VAPA: variants seen among roughly 807,000 people sequenced by gnomAD.
VAPA encodes the protein VAMP associated protein A.
Under a neutral mutation model 25.6 loss-of-function variants are expected in VAPA, and 6 were observed. The ratio of observed to expected loss-of-function variants is 0.23; its 90% CI spans 0.13 to 0.46. The LOEUF (loss-of-function observed/expected upper bound fraction) is 0.46. Among genes scored for constraint, VAPA ranks in the 20% least tolerant of loss-of-function variants. VAPA has a pLI of 0.99. For synonymous variants in VAPA, 112 were observed against 106.2 expected, an observed-to-expected ratio of 1.05 and a Z score of -0.34; for missense variants, 244 against 302.1, an observed-to-expected ratio of 0.81 and a Z score of 1.43.
intron 1 of VAPA, among the ~76,000 whole-genome samples, chr18:9,931,432 C>T (rs2069253955): frequency 6.6e-6 from 1 of 152,126 alleles, no homozygotes; most frequent in Admixed American, 6.5e-5. Flanking sequence ...TGCAGTTGGC[C>T]TAGTAAAATG....
At chr18:9,953,921 G>C (rs2069515486) in intron 5 of VAPA, 132 bp from the exon 6 acceptor site, 7 of 1,044,002 alleles carry the variant, frequency 6.7e-6, no homozygotes, top group Non-Finnish European at 7.0e-6. Context: ...GTGGTTAGCA[G>C]TTAATCCCCT....
chr18:9,916,970 A>G (rs2069116803), intron 1 of VAPA, among the ~76,000 whole-genome samples: 1 of 152,222 alleles, frequency 6.6e-6, no homozygotes, highest in African/African-American at 2.4e-5. Context: ...ATGTTGCACA[A>G]TTTTGCAAAA....
At chr18:9,920,925 G>A (rs1050033053) in intron 1 of VAPA, among the ~76,000 whole-genome samples, 1 of 152,180 alleles carries the variant, frequency 6.6e-6, no homozygotes, top group African/African-American at 2.4e-5. Flanking sequence ...TTGAGAAGTC[G>A]TTGATACTCT....
At chr18:9,914,562 CGCCGGCCGGGGCGAGGCGGAGGGGA>C in intron 1 of VAPA, 1 of 219,190 alleles carries the variant, frequency 4.6e-6, no homozygotes, top group Admixed American at 5.9e-5. Flanking sequence ...GCGGTGCGCG[CGCCGGCCGGGGCGAGGCGGAGGGGA>C]GCCCGGCCCT....
chr18:9,927,775 C>G (rs1383271991), intron 1 of VAPA, among the ~76,000 whole-genome samples: 1 of 151,782 alleles, frequency 6.6e-6, no homozygotes, highest in African/African-American at 2.4e-5. Flanking sequence ...ACTCAAAGGC[C>G]ACATTTATGT....
intron 2 of VAPA, among the ~76,000 whole-genome samples, chr18:9,934,109 C>T (rs2069284101): frequency 6.6e-6 from 1 of 152,204 alleles, no homozygotes; most frequent in Non-Finnish European, 1.5e-5. Context: ...TTGGCTTTTC[C>T]AGTTTTTAGT....
At chr18:9,941,882 T>A (rs189368669) in intron 4 of VAPA, among the ~76,000 whole-genome samples, 171 of 152,350 alleles carry the variant, frequency 1.1e-3, no homozygotes, top group African/African-American at 3.8e-3. Flanking sequence ...AAAAATGGTT[T>A]GAAAACTGTT....
intron 4 of VAPA, chr18:9,949,400 A>G (rs2069463036): frequency 1.3e-5 from 2 of 152,198 alleles, no homozygotes; most frequent in Admixed American, 6.5e-5. Context: ...CATCCCCTTC[A>G]TAAGAATAAC....
At chr18:9,929,081 ATTG>A in intron 1 of VAPA, among the ~76,000 whole-genome samples, 1 of 152,304 alleles carries the variant, frequency 6.6e-6, no homozygotes, top group Non-Finnish European at 1.5e-5. Flanking sequence ...TGGCATTGCT[ATTG>A]TTAGAATAGT....
At chr18:9,935,109 A>AC (rs2069295291) in intron 2 of VAPA, among the ~76,000 whole-genome samples, 1 of 150,158 alleles carries the variant, frequency 6.7e-6, no homozygotes, top group Admixed American at 6.6e-5. Flanking sequence ...AAAAAAAAAA[A>AC]AAAACTTAAA....
chr18:9,952,185 G>A (rs1463923464), intron 5 of VAPA, among the ~76,000 whole-genome samples: 1 of 152,234 alleles, frequency 6.6e-6, no homozygotes, highest in African/African-American at 2.4e-5. Flanking sequence ...GTAGGTGAGA[G>A]AGACTTTATT....
chr18:9,935,611 T>G (rs1445066803), intron 2 of VAPA, among the ~76,000 whole-genome samples: 1 of 152,230 alleles, frequency 6.6e-6, no homozygotes, highest in Non-Finnish European at 1.5e-5. Flanking sequence ...AGTGAGGTTT[T>G]AAGTTACTGA....
intron 4 of VAPA, chr18:9,949,171 G>T (rs1293521305): frequency 6.6e-6 from 1 of 152,142 alleles, no homozygotes; most frequent in Non-Finnish European, 1.5e-5. Context: ...TAGATTGGTT[G>T]GGGTGGGAGA....
rs1331631569 is a variant in VAPA, at chr18:9,931,973, A to G, written c.232+11A>G. ...CTGTGACTGTTTCAGGTAGCAAATC[A>G]TGTTCTGAATTTATGTACATTTGAA... On this transcript the variant is annotated intron_variant, in intron 2 of 5. Transcript: ENST00000400000. The G allele has an allele frequency of 1.3e-6, 2 of 1,554,572 alleles. No homozygotes were observed. The highest frequency in any genetic ancestry group is 1.7e-6 in the Non-Finnish European group (2 of 1,145,798).
Position 9,943,494 on chromosome 18 carries a change from AGTT to A in VAPA, c.417+6434_417+6436del, listed in dbSNP as rs554894250. On this transcript the variant is annotated intron_variant, in intron 4 of 5. Coordinates refer to ENST00000400000, the MANE Select transcript of VAPA (RefSeq NM_194434.3). Reference sequence around the variant, plus strand: ...TAATGGCCCCTAGTGTCTTCAGTTGAGTTGTTGTCAGTGCTAGTACTGAAAGCC... The same window carrying A: ...TAATGGCCCCTAGTGTCTTCAGTTGAGTTGTCAGTGCTAGTACTGAAAGCC... Among the ~76,000 whole-genome samples, 13 of 152,170 alleles carry A rather than the reference AGTT, an allele frequency of 8.5e-5. No homozygotes were observed. In the East Asian group the frequency reaches 2.3e-3, roughly 27 times the overall value.
At chr18:9,927,886 G>C (rs544069061) in intron 1 of VAPA, among the ~76,000 whole-genome samples, 73 of 152,182 alleles carry the variant, frequency 4.8e-4, no homozygotes, top group African/African-American at 1.7e-3. Context: ...AGAATACTTA[G>C]TGGCAGGAAA....
chr18:9,927,211 A>T (rs541201267), intron 1 of VAPA, among the ~76,000 whole-genome samples: 168 of 152,276 alleles, frequency 1.1e-3, no homozygotes, highest in Non-Finnish European at 1.6e-3. Context: ...CAGGGCAGAT[A>T]GATATGCTGC....
At chr18:9,953,825 T>C (rs1182580911) in intron 5 of VAPA, among the ~76,000 whole-genome samples, 1 of 152,224 alleles carries the variant, frequency 6.6e-6, no homozygotes, top group East Asian at 1.9e-4. Context: ...CCACTGTGAG[T>C]GTACAATTCA....
chr18:9,938,242 T>C (rs578140888), intron 4 of VAPA, among the ~76,000 whole-genome samples: 18 of 152,370 alleles, frequency 1.2e-4, no homozygotes, highest in African/African-American at 4.1e-4. Flanking sequence ...TGTCATTTTT[T>C]ACAGTAATTC....
Sources: allele counts gnomAD v4.1 joint callset (sites outside exome capture counted in the v4.1 genomes callset), GRCh38; gene constraint gnomAD v4.1.1; transcripts MANE v1.5; gene names NCBI Gene and HGNC (gene_info 2026-07-23, HGNC 2026-07-21).